FARP1: variants seen among roughly 807,000 people sequenced by gnomAD.
The protein encoded by FARP1 is FERM, ARHGEF and pleckstrin domain-containing protein 1.
In FARP1, 52 loss-of-function variants were observed where a neutral mutation model predicts 128.8. The ratio of observed to expected loss-of-function variants is 0.40; its 90% CI spans 0.32 to 0.51. FARP1 has a LOEUF of 0.51. FARP1 is among the 20% of genes least tolerant of loss of function. FARP1 has a pLI of 0.45. For missense variants in FARP1, 1,333 were observed against 1,367.9 expected, an observed-to-expected ratio of 0.97 and a Z score of 0.40; for synonymous variants, 580 against 551.8, an observed-to-expected ratio of 1.05 and a Z score of -0.72.
chr13:98,254,782 A>G (rs1254393810), intron 2 of FARP1, among the ~76,000 whole-genome samples: 3 of 152,220 alleles, frequency 2.0e-5, no homozygotes, highest in African/African-American at 7.2e-5. Flanking sequence ...CCATGATGCT[A>G]TAAATGAAAA....
Position 98,176,421 on chromosome 13 carries a change from C to G in FARP1, c.-24+32929C>G, listed in dbSNP as rs1878034986. 6.2e-7 allele frequency: 1 copy of G among 1,614,072 alleles called. No individual in the cohort carries two copies. The highest frequency in any genetic ancestry group is 1.3e-5 in the African/African-American group (1 of 74,928). On this transcript the variant is annotated intron_variant, in intron 1 of 26. Transcript: ENST00000319562. The surrounding 1 kb of genome is among the most constrained non-coding windows in gnomAD (Gnocchi z 6.2). Reference sequence around the variant, plus strand: ...GCGCGCAGCTCTCGCAGAAATAATGCCTGCACTTGGTGACGACTGGGTTTT... The same window carrying G: ...GCGCGCAGCTCTCGCAGAAATAATGGCTGCACTTGGTGACGACTGGGTTTT...
rs1893167695 is a variant in FARP1, at chr13:98,451,088, AC to A, written c.*2774del. 6.6e-6 allele frequency: 1 copy of A among 152,178 alleles called. No homozygotes were observed. The allele number at this position is 152,178 out of a possible 1,614,324, so 9.4% of individuals were successfully genotyped here. A position where few individuals can be genotyped will look rare whatever the true frequency, so the allele number is the denominator to read the frequency against. On this transcript the variant is annotated 3_prime_UTR_variant, in exon 27 of 27. Transcript: ENST00000319562. ...TAGAACCCAGTCCCTCGAGCGGCTC[AC>A]CCACTGTTACTAGCATGAGACTGGC...
chr13:98,190,206 A>T (rs1484035356), intron 1 of FARP1, among the ~76,000 whole-genome samples: 1 of 152,170 alleles, frequency 6.6e-6, no homozygotes, highest in South Asian at 2.1e-4. Context: ...ATATTTTACA[A>T]TTTTCTCCTT....
At chr13:98,372,053 G>A (rs1199773960) in intron 5 of FARP1, among the ~76,000 whole-genome samples, 2 of 148,486 alleles carry the variant, frequency 1.3e-5, no homozygotes, top group Non-Finnish European at 3.0e-5. Context: ...ACGAGTGAGG[G>A]TCTTTGGAAA....
rs1157520788 is a variant in FARP1 at position 98,439,158 on chromosome 13, T to C, written c.2395T>C (p.Phe799Leu). The change falls in exon 21 of 27, where the codon TTT (phenylalanine) becomes CTT (leucine). Residue 799 changes from phenylalanine to leucine, a missense_variant. Phe to Leu is a conservative substitution (Grantham distance 22, BLOSUM62 0). Coordinates refer to ENST00000319562, the MANE Select transcript of FARP1 (RefSeq NM_005766.4). ...CCGGGGGCTGACGGCCTCCAATCAGTTTAAAGTCCACGGGCAGCTCCCGCT... is the reference window on the plus strand; with the variant it reads ...CCGGGGGCTGACGGCCTCCAATCAGCTTAAAGTCCACGGGCAGCTCCCGCT... ...TSRGLTASNQ[F>L]KVHGQLPLYG... 1 of 1,613,720 alleles carries C rather than the reference T, an allele frequency of 6.2e-7. No individual in the cohort carries two copies. Among genetic ancestry groups the C allele is most frequent in the African/African-American group, 1.3e-5 (1 of 74,906 alleles).
intron 17 of FARP1, among the ~76,000 whole-genome samples, chr13:98,426,764 A>G (rs1453198285): frequency 3.9e-5 from 6 of 152,246 alleles, no homozygotes; most frequent in Admixed American, 6.5e-5. Flanking sequence ...AAAAAAGAAA[A>G]GCAAGAATTA....
At chr13:98,317,101 C>T (rs1324867520) in intron 2 of FARP1, among the ~76,000 whole-genome samples, 1 of 152,204 alleles carries the variant, frequency 6.6e-6, no homozygotes, top group Non-Finnish European at 1.5e-5. Flanking sequence ...TCTCTGCTTC[C>T]AGCTGCCACT....
At chr13:98,332,715 A>G (rs1327702733) in intron 2 of FARP1, 2 of 152,222 alleles carry the variant, frequency 1.3e-5, no homozygotes, top group Non-Finnish European at 2.9e-5. Context: ...AAATGTTAAA[A>G]AAGTAGTTTC....
chr13:98,213,114 C>T, intron 1 of FARP1, 106 bp from the exon 2 acceptor site: 1 of 789,254 alleles, frequency 1.3e-6, no homozygotes, highest in Non-Finnish European at 2.0e-6. Flanking sequence ...GATTCCTGTG[C>T]AGGGGATGGA....
At chr13:98,287,172 G>A (rs1056788412) in intron 2 of FARP1, among the ~76,000 whole-genome samples, 1 of 143,150 alleles carries the variant, frequency 7.0e-6, no homozygotes, top group African/African-American at 2.6e-5. Context: ...CAATGTCATA[G>A]GCATTTGTCC....
intron 18 of FARP1, chr13:98,431,888 T>C (rs1892045425): frequency 6.6e-6 from 1 of 152,244 alleles, no homozygotes; most frequent in South Asian, 2.1e-4. Context: ...GAAGCTCCGC[T>C]TACAGTTAGC....
Position 98,176,473 on chromosome 13 carries a change from C to T in FARP1, c.-24+32981C>T, listed in dbSNP as rs199776079. 499 of 1,614,100 alleles carry T rather than the reference C, an allele frequency of 3.1e-4. 1 individual carries two copies. The highest frequency in any genetic ancestry group is 3.3e-4 in the Middle Eastern group (2 of 6,084). On this transcript the variant is annotated intron_variant, in intron 1 of 26. Coordinates refer to ENST00000319562, the MANE Select transcript of FARP1 (RefSeq NM_005766.4). This position sits in a 1 kb window ranked among gnomAD's most constrained non-coding sequence, Gnocchi z 6.2. ...GAAGGCCTGGCGACATATGAAACAC[C>T]TGAATGGTATTTCCTCTTCCTCGCT... is the stretch of plus-strand genomic sequence containing the variant.
At chr13:98,442,896 T>C (rs1387574215) in intron 24 of FARP1, among the ~76,000 whole-genome samples, 1 of 152,234 alleles carries the variant, frequency 6.6e-6, no homozygotes, top group Non-Finnish European at 1.5e-5. Context: ...CTGGGGTTTG[T>C]CATAGGCCTC....
At chr13:98,392,279 G>A (rs1161601632) in intron 11 of FARP1, among the ~76,000 whole-genome samples, 1 of 133,912 alleles carries the variant, frequency 7.5e-6, no homozygotes, top group Non-Finnish European at 1.5e-5. Context: ...GAGCTCAGGA[G>A]TTTGAGACCA....
intron 1 of FARP1, among the ~76,000 whole-genome samples, chr13:98,182,681 G>T (rs540727683): frequency 6.6e-6 from 1 of 152,304 alleles, no homozygotes; most frequent in South Asian, 2.1e-4. Flanking sequence ...GTTCCTTGAG[G>T]TCTTAACACT....
chr13:98,437,321 G>A (rs1056631139), intron 19 of FARP1, among the ~76,000 whole-genome samples: 1 of 152,162 alleles, frequency 6.6e-6, no homozygotes, highest in Non-Finnish European at 1.5e-5. Context: ...GCAGGCTCAC[G>A]TCTGGAGCTC....
chr13:98,214,463 C>T (rs948385768), intron 2 of FARP1, among the ~76,000 whole-genome samples: 35 of 152,140 alleles, frequency 2.3e-4, no homozygotes, highest in Non-Finnish European at 4.4e-5. Flanking sequence ...ACTCTGGGAG[C>T]ACACCTGTTT....
In FARP1 at chr13:98,365,454, T is replaced by C. The variant is rs1233769553; in HGVS notation, c.319+17T>C. 3 of 1,558,174 alleles carry C rather than the reference T, an allele frequency of 1.9e-6. No homozygotes were observed. The highest frequency in any genetic ancestry group is 1.1e-5 in the South Asian group (1 of 88,710). On this transcript the variant is annotated intron_variant, in intron 4 of 26. Transcript: ENST00000319562. ...AGATTAGAAGTGAGTATATACCATATGTTTAATAGTGATGTGAAATCTGAA... is the reference window on the plus strand; with the variant it reads ...AGATTAGAAGTGAGTATATACCATACGTTTAATAGTGATGTGAAATCTGAA...
intron 2 of FARP1, among the ~76,000 whole-genome samples, chr13:98,307,260 T>A (rs1368469412): frequency 6.6e-6 from 1 of 152,188 alleles, no homozygotes; most frequent in East Asian, 1.9e-4. Context: ...TGATATGAAG[T>A]CATTGATTTT....
Sources: allele counts gnomAD v4.1 joint callset (sites outside exome capture counted in the v4.1 genomes callset), GRCh38; gene constraint gnomAD v4.1.1; non-coding constraint Gnocchi (gnomAD v3.1); transcripts MANE v1.5; gene names NCBI Gene and HGNC (gene_info 2026-07-23, HGNC 2026-07-21).